Variants in MAP4K5 observed in about 807,000 individuals in gnomAD.
MAP4K5 encodes mitogen-activated protein kinase kinase kinase kinase 5, also known as MAPK/ERK kinase kinase kinase 5.
MAP4K5 carries 82 observed loss-of-function variants against 135.6 expected under a neutral mutation model. The ratio of observed to expected loss-of-function variants is 0.60; its 90% CI spans 0.51 to 0.73. The LOEUF (loss-of-function observed/expected upper bound fraction) is 0.73, where lower values mean the gene tolerates loss of function less well. Among genes scored for constraint, MAP4K5 ranks in the 30% least tolerant of loss-of-function variants. The pLI is 0.00. For synonymous variants in MAP4K5, 347 were observed against 335.0 expected (o/e 1.04, Z -0.39); for missense variants, 907 against 1,010.9 (o/e 0.90, Z 1.39).
chr14:50,550,506 G>A (rs1470886774), intron 1 of MAP4K5, among the ~76,000 whole-genome samples: 3 of 152,124 alleles, frequency 2.0e-5, no homozygotes, highest in African/African-American at 7.2e-5. Context: ...GGTATGCCTT[G>A]GGATATTCTG....
In MAP4K5 at chr14:50,464,985, C is replaced by T. The variant is rs73286566; in HGVS notation, c.738-852G>A. On this transcript the variant is annotated intron_variant, in intron 11 of 32. Transcript: ENST00000682126. ...CTGAATGAATATCAGTCATTCCTGC[C>T]GTAAAACCGTTCAGTTCCAGATGTC... is the stretch of plus-strand genomic sequence containing the variant. Among the ~76,000 whole-genome samples the T allele has an allele frequency of 9.4e-3, 1,425 of 152,226 alleles. 27 individuals are homozygous for T. The highest frequency in any genetic ancestry group is 0.033 in the African/African-American group (1,363 of 41,514).
At chr14:50,485,226 G>C (rs1318660588) in intron 5 of MAP4K5, among the ~76,000 whole-genome samples, 1 of 152,066 alleles carries the variant, frequency 6.6e-6, no homozygotes, top group Non-Finnish European at 1.5e-5. Flanking sequence ...AGCAGGTTAA[G>C]TTACTAAGAC....
Position 50,434,462 on chromosome 14 carries a change from T to G in MAP4K5, c.2096A>C (p.Asn699Thr). ...CVAISKGTES[N>T]QVVQFETINL... ...GATTGTCTCAAACTGAACTACCTGA[T>G]TCGATTCAGTGCCTTTGCTAATAGC... Residue 699 changes from asparagine to threonine, a missense_variant, in exon 28 of 33, where the codon AAT becomes ACT. Physicochemically the swap from Asn to Thr is moderately conservative, Grantham distance 65. This residue lies in a region of MAP4K5 where 690 missense variants were observed against 777.4 expected (regional missense o/e 0.89). Transcript: ENST00000682126. The G allele has an allele frequency of 6.2e-7, 1 of 1,609,660 alleles. No individual in the cohort carries two copies. The highest frequency in any genetic ancestry group is 8.5e-7 in the Non-Finnish European group (1 of 1,177,922).
chr14:50,453,284 A>C (rs537277883), intron 14 of MAP4K5, among the ~76,000 whole-genome samples: 27 of 152,204 alleles, frequency 1.8e-4, no homozygotes, highest in African/African-American at 6.5e-4. Flanking sequence ...AAAAAAAAAA[A>C]AGAAAAAAAA....
rs147354975 is a variant in MAP4K5 at position 50,499,453 on chromosome 14, T to C, written c.166+5347A>G. 9.7e-4 allele frequency among the ~76,000 whole-genome samples: 147 copies of C among 151,794 alleles called. 1 individual carries two copies. The East Asian group carries it at 0.014, about 14-fold the overall frequency. On this transcript the variant is annotated intron_variant, in intron 3 of 32. Coordinates refer to ENST00000682126, the MANE Select transcript of MAP4K5 (RefSeq NM_006575.6). The stretch of plus-strand genomic sequence containing the variant: ...CGGGCAGATCACTTGAGGCCAGGAG[T>C]CCAAGACCAACCTGGACAACATGGC...
intron 14 of MAP4K5, among the ~76,000 whole-genome samples, chr14:50,453,934 A>G (rs2036545508): frequency 6.6e-6 from 1 of 152,106 alleles, no homozygotes; most frequent in Non-Finnish European, 1.5e-5. Flanking sequence ...TCTTAGACTG[A>G]TTGGGTGTGA....
At chr14:50,531,833 G>A in intron 2 of MAP4K5, 109 bp downstream of exon 2, 2 of 822,828 alleles carry the variant, frequency 2.4e-6, no homozygotes, top group Admixed American at 2.0e-5. Context: ...TTCTCCCCAA[G>A]AGGCAACAAT....
chr14:50,560,141 C>T, intron 1 of MAP4K5: 1 of 1,145,870 alleles, frequency 8.7e-7, no homozygotes, highest in South Asian at 1.3e-5. Flanking sequence ...ACAGCAACAT[C>T]CTCAGAGTCT....
chr14:50,510,765 T>G (rs2180495), intron 2 of MAP4K5, among the ~76,000 whole-genome samples: 128,046 of 152,122 alleles, frequency 0.84, 55,419 homozygotes, highest in Non-Finnish European at 0.93. Context: ...TGACAGTCCC[T>G]CTCCATCCCA....
chr14:50,425,748 T>C (rs1221530789), intron 31 of MAP4K5, among the ~76,000 whole-genome samples, 159 bp downstream of exon 31: 1 of 152,198 alleles, frequency 6.6e-6, no homozygotes, highest in Non-Finnish European at 1.5e-5. Context: ...GAAGTGAACA[T>C]AGTTGAAGGG....
At chr14:50,542,177 T>G (rs1325610679) in intron 2 of MAP4K5, among the ~76,000 whole-genome samples, 1 of 151,356 alleles carries the variant, frequency 6.6e-6, no homozygotes, top group African/African-American at 2.4e-5. Context: ...TAACTGCTCT[T>G]TAGAAATTGG....
In MAP4K5 at chr14:50,437,549, C is replaced by T. The variant is rs375629910; in HGVS notation, c.1824-15G>A. Reference sequence around the variant, plus strand: ...AAGCGAATTTTCTGAAAACGTAAGACGATATAAATGCACTCTACAGTAGTG... The same window carrying T: ...AAGCGAATTTTCTGAAAACGTAAGATGATATAAATGCACTCTACAGTAGTG... On this transcript the variant is annotated splice_polypyrimidine_tract_variant and intron_variant, in intron 25 of 32. Transcript: ENST00000682126. 5.4e-4 allele frequency: 840 copies of T among 1,564,476 alleles called. 1 individual carries two copies. Among genetic ancestry groups the T allele is most frequent in the South Asian group, 9.7e-4 (83 of 85,674 alleles).
At chr14:50,504,151 G>C (rs907109339) in intron 3 of MAP4K5, among the ~76,000 whole-genome samples, 2 of 151,918 alleles carry the variant, frequency 1.3e-5, no homozygotes, top group Non-Finnish European at 2.9e-5. Flanking sequence ...GCTCAAACTA[G>C]GAAACTGGCA....
chr14:50,479,957 A>C (rs140276203), intron 6 of MAP4K5, among the ~76,000 whole-genome samples: 1 of 152,020 alleles, frequency 6.6e-6, no homozygotes, highest in African/African-American at 2.4e-5. Context: ...TTCAGGCCTC[A>C]TTGTCCTTCA....
chr14:50,503,319 ATTCT>A (rs2037745691), intron 3 of MAP4K5, among the ~76,000 whole-genome samples: 1 of 152,054 alleles, frequency 6.6e-6, no homozygotes, highest in Non-Finnish European at 1.5e-5. Context: ...CTTCCATGTT[ATTCT>A]TTTTTGGGGG....
At chr14:50,485,988 G>C (rs979494820) in intron 4 of MAP4K5, 116 bp downstream of exon 4, 2 of 586,276 alleles carry the variant, frequency 3.4e-6, no homozygotes, top group Non-Finnish European at 6.0e-6. Flanking sequence ...AAAAAATTTA[G>C]AACTTTGCAG....
chr14:50,429,559 G>C (rs1418898183), intron 28 of MAP4K5, among the ~76,000 whole-genome samples: 2 of 152,176 alleles, frequency 1.3e-5, no homozygotes, highest in African/African-American at 4.8e-5. Flanking sequence ...AATATGAGGA[G>C]GAAAAGTAAC....
In MAP4K5 at chr14:50,443,698, G is replaced by A. The variant is rs776986861; in HGVS notation, c.1479+31C>T. 44 of 1,557,778 alleles carry A rather than the reference G, an allele frequency of 2.8e-5. No homozygotes were observed. The East Asian group carries it at 8.5e-4, about 30-fold the overall frequency. On this transcript the variant is annotated intron_variant, in intron 20 of 32. Coordinates refer to ENST00000682126, the MANE Select transcript of MAP4K5 (RefSeq NM_006575.6). ...TGCTGCTTCTAAAGAGAGAAAAAACGGCAAATAGTTCACATAAAAATATTC... is the reference window on the plus strand; with the variant it reads ...TGCTGCTTCTAAAGAGAGAAAAAACAGCAAATAGTTCACATAAAAATATTC...
intron 2 of MAP4K5, among the ~76,000 whole-genome samples, chr14:50,529,774 T>C (rs1240709966): frequency 6.6e-6 from 1 of 151,244 alleles, no homozygotes; most frequent in East Asian, 1.9e-4. Flanking sequence ...AGGGGAGACA[T>C]TACGAAGAGA....
Sources: allele counts gnomAD v4.1 joint callset (sites outside exome capture counted in the v4.1 genomes callset), GRCh38; gene constraint gnomAD v4.1.1; regional missense constraint gnomAD v4.1.1; transcripts MANE v1.5; gene names NCBI Gene and HGNC (gene_info 2026-07-23, HGNC 2026-07-21).